Variants in SEMA5A observed in about 807,000 individuals in gnomAD.
The protein encoded by SEMA5A is semaphorin-5A.
SEMA5A carries 55 observed loss-of-function variants against 135.5 expected under a neutral mutation model. The observed-to-expected ratio is 0.41, with a 90% CI of 0.33 to 0.51. The LOEUF is 0.51. SEMA5A is among the 20% of genes least tolerant of loss of function. SEMA5A has a pLI of 0.37. For synonymous variants in SEMA5A, 580 were observed against 546.5 expected (o/e 1.06, Z -0.85); for missense variants, 1,290 against 1,419.9 (o/e 0.91, Z 1.47).
Position 9,088,659 on chromosome 5 carries a change from T to TATATAC in SEMA5A, c.2073+19480_2073+19481insGTATAT. ...TATAATATATATATATATATATATA[T>TATATAC]ACACACACACACTCATGGAATTCCA... On this transcript the variant is annotated intron_variant, in intron 16 of 22. Coordinates refer to ENST00000382496, the MANE Select transcript of SEMA5A (RefSeq NM_003966.3). Among the ~76,000 whole-genome samples, 45 of 112,870 alleles carry TATATAC rather than the reference T, an allele frequency of 4.0e-4. No individual in the cohort carries two copies. The East Asian group carries it at 7.0e-3, about 18-fold the overall frequency. 74.0% of individuals were successfully genotyped at this position (112,870 alleles called of 152,430 possible). A position where few individuals can be genotyped will look rare whatever the true frequency, so the allele number is the denominator to read the frequency against.
rs1579606977 is a variant in SEMA5A at position 9,204,153 on chromosome 5, C to G, written c.647-1913G>C. 6.6e-6 allele frequency among the ~76,000 whole-genome samples: 1 copy of G among 152,258 alleles called. No individual in the cohort carries two copies. The highest frequency in any genetic ancestry group is 1.9e-4 in the East Asian group (1 of 5,188). On this transcript the variant is annotated intron_variant, in intron 8 of 22. Transcript: ENST00000382496. The surrounding 1 kb of genome is among the most constrained non-coding windows in gnomAD (Gnocchi z 6.4). Reference sequence around the variant, plus strand: ...ATTATTTTGGAATGGGTCCTGCACCCTGGCTAAACAAAACTAGAGTTTGGG... The same window carrying G: ...ATTATTTTGGAATGGGTCCTGCACCGTGGCTAAACAAAACTAGAGTTTGGG...
chr5:9,319,977 TG>T (rs754338077), intron 4 of SEMA5A, among the ~76,000 whole-genome samples: 5 of 152,084 alleles, frequency 3.3e-5, no homozygotes, highest in Non-Finnish European at 7.4e-5. Context: ...AAAGCCCCCA[TG>T]GAAGCCGGCA....
chr5:9,139,240 T>G (rs1741931387), intron 12 of SEMA5A, among the ~76,000 whole-genome samples: 1 of 152,204 alleles, frequency 6.6e-6, no homozygotes, highest in Non-Finnish European at 1.5e-5. Flanking sequence ...CCTTTAAAAT[T>G]ATTAACTTTA....
Position 9,066,063 on chromosome 5 carries a change from C to T in SEMA5A, c.2299+358G>A, listed in dbSNP as rs573447539. On this transcript the variant is annotated intron_variant, in intron 17 of 22. Coordinates refer to ENST00000382496, the MANE Select transcript of SEMA5A (RefSeq NM_003966.3). ...AAGTTTTGGGATAAATAAAGAAAAA[C>T]CTTTTTTCAGCTTACATTTTAGTGC... Among the ~76,000 whole-genome samples the T allele has an allele frequency of 4.6e-3, 708 of 152,280 alleles. 4 individuals carry two copies. Among genetic ancestry groups the T allele is most frequent in the South Asian group, 0.022 (108 of 4,826 alleles).
intron 1 of SEMA5A, among the ~76,000 whole-genome samples, chr5:9,453,527 T>C (rs1323953182): frequency 2.6e-5 from 4 of 152,158 alleles, no homozygotes; most frequent in Non-Finnish European, 4.4e-5. Context: ...AAAATGCATG[T>C]GTTAGATAAG....
chr5:9,042,665 AACTTCAC>A lies in SEMA5A; in HGVS notation c.*225_*231del. 1 of 482,118 alleles carries A rather than the reference AACTTCAC, an allele frequency of 2.1e-6. No homozygotes were observed. Among genetic ancestry groups the A allele is most frequent in the Non-Finnish European group, 3.6e-6 (1 of 275,332 alleles). The allele number at this position is 482,118 out of a possible 1,614,324, so 29.9% of individuals were successfully genotyped here. On this transcript the variant is annotated 3_prime_UTR_variant, in exon 23 of 23. Coordinates refer to ENST00000382496, the MANE Select transcript of SEMA5A (RefSeq NM_003966.3). ...GAAAAATAGGATGAACACAATTAAA[AACTTCAC>A]ACCCTGGCTCATTCAACAATGGTCA...
chr5:9,132,558 C>A (rs1741491263), intron 13 of SEMA5A, among the ~76,000 whole-genome samples: 1 of 152,216 alleles, frequency 6.6e-6, no homozygotes, highest in Non-Finnish European at 1.5e-5. Context: ...AAATAAATTT[C>A]TGTCCAATTT....
Position 9,087,184 on chromosome 5 carries a change from G to A in SEMA5A, c.2074-20538C>T, listed in dbSNP as rs555582248. Among the ~76,000 whole-genome samples, 8 of 152,252 alleles carry A rather than the reference G, an allele frequency of 5.3e-5. No homozygotes were observed. The South Asian group carries it at 1.2e-3, about 24-fold the overall frequency. ...CTGTTGCTCACCTGCTCCCTAAATC[G>A]GACCCCAATCCTGGCTGCCATTACC... On this transcript the variant is annotated intron_variant, in intron 16 of 22. Transcript: ENST00000382496.
At chr5:9,164,112 AT>A (rs1299423342) in intron 11 of SEMA5A, among the ~76,000 whole-genome samples, 4 of 112,706 alleles carry the variant, frequency 3.5e-5, no homozygotes, top group Non-Finnish European at 6.6e-5. Context: ...TATTTATATA[AT>A]TATAAATATA....
At chr5:9,535,587 G>GA (rs1287471519) in intron 1 of SEMA5A, among the ~76,000 whole-genome samples, 1 of 12,594 alleles carries the variant, frequency 7.9e-5, no homozygotes, top group Admixed American at 5.9e-4. Flanking sequence ...AAAAAATGCA[G>GA]GGAGGAGTGG....
At chr5:9,094,212 A>G (rs1739196856) in intron 16 of SEMA5A, among the ~76,000 whole-genome samples, 1 of 152,258 alleles carries the variant, frequency 6.6e-6, no homozygotes, top group South Asian at 2.1e-4. Flanking sequence ...GACTAAATAC[A>G]TAGATGAAAG....
chr5:9,189,203 T>C (rs1744962267), intron 11 of SEMA5A, among the ~76,000 whole-genome samples: 1 of 152,246 alleles, frequency 6.6e-6, no homozygotes, highest in South Asian at 2.1e-4. Flanking sequence ...GGGCTGTCTC[T>C]GCGCATCTGC....
chr5:9,412,852 T>C (rs1479463642), intron 2 of SEMA5A, among the ~76,000 whole-genome samples: 1 of 152,198 alleles, frequency 6.6e-6, no homozygotes, highest in Non-Finnish European at 1.5e-5. Flanking sequence ...GAAAATGTTT[T>C]AGATTTTGGA....
chr5:9,173,394 C>T (rs1314425484), intron 11 of SEMA5A, among the ~76,000 whole-genome samples: 1 of 149,880 alleles, frequency 6.7e-6, no homozygotes, highest in Non-Finnish European at 1.5e-5. Context: ...TGACAAAATA[C>T]CATAGACTGG....
intron 11 of SEMA5A, among the ~76,000 whole-genome samples, chr5:9,158,814 T>A (rs184841503): frequency 6.6e-6 from 1 of 152,334 alleles, no homozygotes; most frequent in Admixed American, 6.5e-5. Context: ...ATGGTTATTA[T>A]TCAAAAGACA....
intron 15 of SEMA5A, among the ~76,000 whole-genome samples, chr5:9,114,024 T>C (rs1740384601): frequency 1.3e-5 from 2 of 152,202 alleles, no homozygotes; most frequent in Non-Finnish European, 2.9e-5. Context: ...GCATTGACAA[T>C]AGTCAAAATA....
In SEMA5A at chr5:9,166,397, T is replaced by G. The variant is rs201252673; in HGVS notation, c.1274-11702A>C. 2.6e-5 allele frequency among the ~76,000 whole-genome samples: 4 copies of G among 152,174 alleles called. No homozygotes were observed. In the East Asian group the frequency reaches 7.7e-4, roughly 29 times the overall value. ...CATATCTCTGTTGCCTTCTCCCCAG[T>G]GCCCAGCTCACAGGGTCGGCGGCCA... On this transcript the variant is annotated intron_variant, in intron 11 of 22. Transcript: ENST00000382496.
At chr5:9,343,143 T>C (rs1561166669) in intron 3 of SEMA5A, among the ~76,000 whole-genome samples, 1 of 152,156 alleles carries the variant, frequency 6.6e-6, no homozygotes, top group African/African-American at 2.4e-5. Context: ...GTGAATAAAA[T>C]ATTGATTGTT....
At chr5:9,241,457 T>C (rs1470456545) in intron 5 of SEMA5A, among the ~76,000 whole-genome samples, 1 of 151,722 alleles carries the variant, frequency 6.6e-6, no homozygotes, top group Non-Finnish European at 1.5e-5. Context: ...ACAGTGTTCA[T>C]TTTCATTGTT....
Sources: gnomAD v4.1 joint callset for allele counts (sites outside exome capture counted in the v4.1 genomes callset) on GRCh38, gnomAD v4.1.1 for gene constraint, Gnocchi (gnomAD v3.1) non-coding constraint, MANE v1.5 for transcripts, NCBI Gene and HGNC (gene_info 2026-07-23, HGNC 2026-07-21) for gene names.